The following TFIP11 variants were observed in gnomAD, a reference collection of about 807,000 sequenced individuals.
TFIP11 encodes the protein tuftelin-interacting protein 11.
In TFIP11, 86 loss-of-function variants were observed where a neutral mutation model predicts 96.8. The ratio of observed to expected loss-of-function variants is 0.89; its 90% CI spans 0.75 to 1.06. The LOEUF (loss-of-function observed/expected upper bound fraction) is 1.06. TFIP11 is among the 50% of genes least tolerant of loss of function. The pLI, the probability that TFIP11 is intolerant of heterozygous loss-of-function variation, is 0.00. For missense variants in TFIP11, 881 were observed against 1,076.7 expected (o/e 0.82, Z 2.54); for synonymous variants, 405 against 395.2 (o/e 1.02, Z -0.29).
chr22:26,495,586 G>C (rs577439243), intron 12 of TFIP11, among the ~76,000 whole-genome samples: 1 of 50,808 alleles, frequency 2.0e-5, no homozygotes, highest in Non-Finnish European at 4.6e-5. Context: ...GTGTGTGTGT[G>C]TATACATATA....
chr22:26,503,728 C>A lies in TFIP11; in HGVS notation c.586G>T (p.Glu196Ter), dbSNP rs549047340. The A allele has an allele frequency of 1.2e-6, 2 of 1,613,960 alleles. No individual in the cohort carries two copies. Among genetic ancestry groups the A allele is most frequent in the Non-Finnish European group, 1.7e-6 (2 of 1,180,016 alleles). Residue 196 changes from glutamate (E) to a stop codon, truncating the protein, a stop_gained, in exon 7 of 15, where the codon GAG becomes TAG. Transcript: ENST00000407690. LOFTEE classifies it high-confidence loss of function. ...TCTTGCATGGACTGAGTGGTGCGCTCGGATCCATAAGCCCCCACAGCACCT... is the reference window on the plus strand; with the variant it reads ...TCTTGCATGGACTGAGTGGTGCGCTAGGATCCATAAGCCCCCACAGCACCT... ...GKGAVGAYGSERTTQSMQDFP... is the reference protein window; with the variant it reads ...GKGAVGAYGS
In TFIP11 at chr22:26,502,188, G is replaced by T. The variant is rs777936893; in HGVS notation, c.649-136C>A. 1.6e-5 allele frequency: 17 copies of T among 1,044,764 alleles called. No individual in the cohort carries two copies. In the South Asian group the frequency reaches 1.8e-4, roughly 11 times the overall value. 64.7% of individuals were successfully genotyped at this position (1,044,764 alleles called of 1,614,324 possible). On this transcript the variant is annotated intron_variant, in intron 7 of 14. Coordinates refer to ENST00000407690, the MANE Select transcript of TFIP11 (RefSeq NM_012143.4). ...ACAAGCTCTATATGAAGGAAGGAAA[G>T]GATGCACCTGCAAGACACCAAAACT... is the stretch of plus-strand genomic sequence containing the variant.
chr22:26,496,707 G>A lies in TFIP11; in HGVS notation c.1605+14C>T, dbSNP rs752540325. ...ATTAGTGATGACGACTGTTTCCCAT[G>A]ACTCTCATCCCACCTCCTTTTGCAG... On this transcript the variant is annotated intron_variant, in intron 11 of 14. Coordinates refer to ENST00000407690, the MANE Select transcript of TFIP11 (RefSeq NM_012143.4). The A allele has an allele frequency of 6.2e-7, 1 of 1,611,888 alleles. No individual in the cohort carries two copies. Among genetic ancestry groups the A allele is most frequent in the Non-Finnish European group, 8.5e-7 (1 of 1,178,128 alleles).
In TFIP11 at chr22:26,499,178, C is replaced by A; in HGVS notation, c.1255G>T (p.Asp419Tyr). ...ATGGCCACAGCAAGGTCCACACGGT[C>A]GGACATCCTGTACTCCTCATAGTAC... is the stretch of plus-strand genomic sequence containing the variant. ...DKYYEEYRMS[D>Y]RVDLAVAIVY... The change falls in exon 9 of 15, where the codon GAC becomes TAC. Residue 419 changes from aspartate to tyrosine, a missense_variant. Transcript: ENST00000407690. 1 of 1,610,196 alleles carries A rather than the reference C, an allele frequency of 6.2e-7. No individual in the cohort carries two copies. The highest frequency in any genetic ancestry group is 1.1e-5 in the South Asian group (1 of 90,430).
At chr22:26,507,071 T>C (rs918555479) in intron 4 of TFIP11, 143 bp from the exon 5 acceptor site, 2 of 1,065,882 alleles carry the variant, frequency 1.9e-6, no homozygotes, top group African/African-American at 3.2e-5. Context: ...CATTTTTTAA[T>C]GTGTCAAAAA....
intron 8 of TFIP11, among the ~76,000 whole-genome samples, chr22:26,500,963 A>T (rs571688768): frequency 7.1e-6 from 1 of 141,626 alleles, no homozygotes; most frequent in South Asian, 2.2e-4. Flanking sequence ...CGCTCACTGC[A>T]AGCTCCGCCT....
In TFIP11 at chr22:26,510,079, C is replaced by T. The variant is rs1264686886; in HGVS notation, c.194G>A (p.Ser65Asn). The T allele has an allele frequency of 6.2e-7, 1 of 1,613,630 alleles. No individual in the cohort carries two copies. The highest frequency in any genetic ancestry group is 8.5e-7 in the Non-Finnish European group (1 of 1,180,024). The change falls in exon 4 of 15, where the codon AGC becomes AAC. Residue 65 changes from serine to asparagine, a missense_variant. Physicochemically the swap from Ser to Asn is conservative, Grantham distance 46. Transcript: ENST00000407690. Reference protein sequence around the residue: ...AERDSDDERPSFGGKRARDYS... With the variant: ...AERDSDDERPNFGGKRARDYS... ...CAGGCAATACCGTTTGCCTCCAAAG[C>T]TGGGCCTCTCATCATCCGAGTCTCG...
At chr22:26,507,052 A>C in intron 4 of TFIP11, 124 bp from the exon 5 acceptor site, 1 of 1,184,022 alleles carries the variant, frequency 8.4e-7, no homozygotes, top group South Asian at 1.7e-5. Context: ...GTTTTTTAAA[A>C]AAGTAACACA....
intron 12 of TFIP11, among the ~76,000 whole-genome samples, chr22:26,495,174 CT>C (rs1213154435): frequency 2.0e-5 from 3 of 148,838 alleles, no homozygotes; most frequent in African/African-American, 7.4e-5. Flanking sequence ...GTTGCCCAGG[CT>C]GGTCTCAAAC....
intron 10 of TFIP11, among the ~76,000 whole-genome samples, chr22:26,498,209 G>A (rs912146648): frequency 1.3e-5 from 2 of 152,168 alleles, no homozygotes; most frequent in Non-Finnish European, 2.9e-5. Flanking sequence ...ATGGACTTTG[G>A]GGACTCGGGG....
At chr22:26,493,940 A>G (rs1921573281) in intron 14 of TFIP11, 199 bp downstream of exon 14, 1 of 571,126 alleles carries the variant, frequency 1.8e-6, no homozygotes, top group African/African-American at 1.9e-5. Flanking sequence ...TGCCCCTCTC[A>G]GTCATGGTAG....
In TFIP11 at chr22:26,496,295, T is replaced by C; in HGVS notation, c.1627A>G (p.Thr543Ala). The change falls in exon 12 of 15, where the codon ACA becomes GCA. Residue 543 changes from threonine to alanine, a missense_variant. By Grantham distance (58) the Thr-to-Ala change is moderately conservative. Transcript: ENST00000407690. ...CAAGAGTGGATGGGAACAGTGTCTGTGAGCGGGTTCCAGTTTTCCACCTGC... is the reference window on the plus strand; with the variant it reads ...CAAGAGTGGATGGGAACAGTGTCTGCGAGCGGGTTCCAGTTTTCCACCTGC... ...QKEVENWNPL[T>A]DTVPIHSWIH... 6.2e-7 allele frequency: 1 copy of C among 1,600,500 alleles called. No homozygotes were observed. The highest frequency in any genetic ancestry group is 8.5e-7 in the Non-Finnish European group (1 of 1,169,910).
chr22:26,493,075 G>C (rs1921424937), intron 14 of TFIP11: 1 of 150,486 alleles, frequency 6.6e-6, no homozygotes, highest in South Asian at 2.1e-4. Flanking sequence ...CACCTAGGCT[G>C]GAGTGCAGTG....
Position 26,492,352 on chromosome 22 carries a change from T to C in TFIP11, c.2175A>G (p.Pro725=). The C allele has an allele frequency of 6.2e-7, 1 of 1,614,138 alleles. No homozygotes were observed. Among genetic ancestry groups the C allele is most frequent in the Non-Finnish European group, 8.5e-7 (1 of 1,179,982 alleles). ...GATAGGCAATGTTCTCCCGTGCTCC[T>C]GGCTGCATGTAGGCACCTAAGATAC... ...VSSNVGAYMQ[P]GARENIAYLT... Residue 725 remains proline, a synonymous_variant, in exon 15 of 15, where the codon CCA becomes CCG. Coordinates refer to ENST00000407690, the MANE Select transcript of TFIP11 (RefSeq NM_012143.4).
intron 10 of TFIP11, among the ~76,000 whole-genome samples, chr22:26,497,139 G>C (rs1412930606): frequency 6.6e-6 from 1 of 152,122 alleles, no homozygotes; most frequent in African/African-American, 2.4e-5. Flanking sequence ...AGCTGCTTTA[G>C]GGTCACAAGG....
intron 5 of TFIP11, 68 bp from the exon 6 acceptor site, chr22:26,506,527 GGCC>G (rs1923431627): frequency 1.0e-5 from 16 of 1,542,172 alleles, no homozygotes; most frequent in Non-Finnish European, 1.3e-5. Flanking sequence ...AAGAAAGCTT[GGCC>G]AACAGGAAAA....
chr22:26,497,005 A>G (rs1922152956), intron 10 of TFIP11, 116 bp from the exon 11 acceptor site: 2 of 1,262,034 alleles, frequency 1.6e-6, no homozygotes, highest in African/African-American at 1.5e-5. Context: ...TGGAAATCCA[A>G]TCAGAGGAAA....
chr22:26,510,421 TAA>T (rs1324364933), intron 3 of TFIP11, 140 bp from the exon 4 acceptor site: 8 of 769,092 alleles, frequency 1.0e-5, no homozygotes, highest in African/African-American at 1.8e-5. Flanking sequence ...TACTATTCAA[TAA>T]AAAAGATATT....
chr22:26,499,054 G>A, intron 9 of TFIP11, 50 bp downstream of exon 9: 1 of 1,606,492 alleles, frequency 6.2e-7, no homozygotes, highest in Non-Finnish European at 8.5e-7. Context: ...ATCAAGCAAG[G>A]GTAAGCCCAA....
Sources: allele counts gnomAD v4.1 joint callset (sites outside exome capture counted in the v4.1 genomes callset), GRCh38; gene constraint gnomAD v4.1.1; transcripts MANE v1.5; gene names NCBI Gene and HGNC (gene_info 2026-07-23, HGNC 2026-07-21).